THBS3: variants seen among roughly 807,000 people sequenced by gnomAD.
THBS3 encodes the protein thrombospondin-3.
A neutral mutation model predicts 118.3 loss-of-function variants in THBS3; 78 were observed. The observed-to-expected ratio is 0.66, with a 90% CI of 0.55 to 0.80. THBS3 has a LOEUF of 0.80. Ranked by LOEUF, THBS3 falls within the 30% of genes least tolerant of loss-of-function variation. THBS3 has a pLI of 0.00. For synonymous variants in THBS3, 427 were observed against 475.3 expected, an observed-to-expected ratio of 0.90 and a Z score of 1.32; for missense variants, 1,057 against 1,247.4, an observed-to-expected ratio of 0.85 and a Z score of 2.30.
intron 13 of THBS3, 131 bp from the exon 14 acceptor site, chr1:155,200,741 C>G (rs778831907): frequency 3.2e-5 from 50 of 1,558,872 alleles, no homozygotes; most frequent in Non-Finnish European, 4.4e-5. Flanking sequence ...TACAGTCCCA[C>G]CCACCCAGCC....
chr1:155,198,399 G>T lies in THBS3; in HGVS notation c.2074+10C>A, dbSNP rs200209248. 3.5e-3 allele frequency: 5,675 copies of T among 1,611,716 alleles called. 6 individuals are homozygous for T. Among genetic ancestry groups the T allele is most frequent in the Non-Finnish European group, 4.4e-3 (5,214 of 1,178,284 alleles). On this transcript the variant is annotated intron_variant, in intron 17 of 22. Transcript: ENST00000368378. ...CACCAGTCTAACGTGCTCTGGGTCC[G>T]CAGGCTTACCATCTGAGTCCTTCTG...
intron 21 of THBS3, 106 bp from the exon 22 acceptor site, chr1:155,196,232 C>G (rs1668644829): frequency 1.5e-6 from 2 of 1,346,918 alleles, no homozygotes; most frequent in Middle Eastern, 2.6e-4. Flanking sequence ...CTTGAGCTCA[C>G]CAGGCCTGAG....
At chr1:155,204,017 T>G (rs1055143214) in intron 4 of THBS3, among the ~76,000 whole-genome samples, 8 of 152,024 alleles carry the variant, frequency 5.3e-5, no homozygotes, top group African/African-American at 1.9e-4. Context: ...TTTTGTATTT[T>G]TTAGTAGAGA....
chr1:155,202,579 C>T lies in THBS3; in HGVS notation c.958-178G>A, dbSNP rs949432180. On this transcript the variant is annotated intron_variant, in intron 8 of 22. Coordinates refer to ENST00000368378, the MANE Select transcript of THBS3 (RefSeq NM_007112.5). The surrounding 1 kb of genome is among the most constrained non-coding windows in gnomAD (Gnocchi z 5.5). ...GGGGTTCCCTCTCTCCCTCCCCATG[C>T]CACTGGTCACCATCTCAAGCCTCCC... Among the ~76,000 whole-genome samples the T allele has an allele frequency of 6.6e-6, 1 of 152,184 alleles. No homozygotes were observed. The highest frequency in any genetic ancestry group is 2.4e-5 in the African/African-American group (1 of 41,442).
intron 11 of THBS3, 90 bp from the exon 12 acceptor site, chr1:155,201,294 CA>C: frequency 6.3e-7 from 1 of 1,588,414 alleles, no homozygotes; most frequent in Non-Finnish European, 8.6e-7. Context: ...TTCTCCCCAC[CA>C]AACAGTTCCT....
In THBS3 at chr1:155,205,126, G is replaced by C; in HGVS notation, c.477C>G (p.Pro159=). 6.2e-7 allele frequency: 1 copy of C among 1,614,194 alleles called. No individual in the cohort carries two copies. Among genetic ancestry groups the C allele is most frequent in the African/African-American group, 1.3e-5 (1 of 75,056 alleles). Residue 159 remains proline (P), a synonymous_variant, in exon 3 of 23, where the codon CCC becomes CCG. Transcript: ENST00000368378. ...GCCCATCGACCTCCGCTGGAGGAAT[G>C]GGGGCCAGTGCTGGAAGGCCTGCAT... The part of the protein sequence containing the change: ...DQHAGLPALA[P]IPPAEVDGLE...
upstream of THBS3, chr1:155,208,790 C>G (rs757169344): frequency 4.5e-5 from 66 of 1,462,918 alleles, no homozygotes; most frequent in South Asian, 7.8e-4. Context: ...CCAAACATAA[C>G]GCGCTGTGGA....
rs1669842010 is a variant in THBS3 at position 155,202,108 on chromosome 1, G to A, written c.1099-74C>T. On this transcript the variant is annotated intron_variant, in intron 9 of 22. Coordinates refer to ENST00000368378, the MANE Select transcript of THBS3 (RefSeq NM_007112.5). The surrounding 1 kb of genome is among the most constrained non-coding windows in gnomAD (Gnocchi z 5.5). The stretch of plus-strand genomic sequence containing the variant: ...AGATACAGCAGAGGACACTGGTATG[G>A]CCTTATCTGTGAACATCAACATTAA... The A allele has an allele frequency of 6.2e-7, 1 of 1,611,276 alleles. No individual in the cohort carries two copies.
Position 155,205,176 on chromosome 1 carries a change from C to A in THBS3, c.427G>T (p.Val143Leu), listed in dbSNP as rs757428868. Residue 143 changes from valine to leucine, a missense_variant, in exon 3 of 23, where the codon GTG becomes TTG. Coordinates refer to ENST00000368378, the MANE Select transcript of THBS3 (RefSeq NM_007112.5). ...SRPSPALHLY[V>L]DCKLGDQHAG... ...TGTTGGTCACCCAGTTTGCAGTCCA[C>A]GTAGAGATGTAGGGCAGGGCTGGGT... 6.2e-7 allele frequency: 1 copy of A among 1,614,174 alleles called. No individual in the cohort carries two copies. The highest frequency in any genetic ancestry group is 8.5e-7 in the Non-Finnish European group (1 of 1,180,034).
At chr1:155,203,624 G>C in intron 4 of THBS3, 85 bp from the exon 5 acceptor site, 3 of 1,505,832 alleles carry the variant, frequency 2.0e-6, no homozygotes, top group Non-Finnish European at 2.7e-6. Flanking sequence ...GGAAGGTGAG[G>C]ACAGGGACAG....
At chr1:155,200,855 A>G (rs768964578) in intron 13 of THBS3, 42 bp downstream of exon 13, 2 of 1,613,876 alleles carry the variant, frequency 1.2e-6, no homozygotes, top group Admixed American at 3.3e-5. Context: ...GGACAGGAGG[A>G]GGGGAGAGGA....
chr1:155,200,097 C>A lies in THBS3; in HGVS notation c.1725G>T (p.Leu575Phe). Residue 575 changes from leucine (L) to phenylalanine (F), a missense_variant, in exon 15 of 23, where the codon TTG becomes TTT. Leu to Phe is a conservative substitution (Grantham distance 22). Coordinates refer to ENST00000368378, the MANE Select transcript of THBS3 (RefSeq NM_007112.5). The stretch of plus-strand genomic sequence containing the variant: ...GGTTGGGGACTTTAGGGCAATTGTC[C>A]AATCCATTGGGGATGCCTAGAAGAC... ...DVDGDGIPNGLDNCPKVPNPL... is the reference protein window; with the variant it reads ...DVDGDGIPNGFDNCPKVPNPL... The A allele has an allele frequency of 6.3e-7, 1 of 1,577,352 alleles. No individual in the cohort carries two copies. The highest frequency in any genetic ancestry group is 8.6e-7 in the Non-Finnish European group (1 of 1,161,690).
chr1:155,208,697 C>G, upstream of THBS3: 1 of 1,212,926 alleles, frequency 8.2e-7, no homozygotes, highest in Non-Finnish European at 1.1e-6. Context: ...CCTCCCCCAC[C>G]CAAGCCCCAG....
Position 155,200,613 on chromosome 1 carries a change from G to C in THBS3, c.1549-3C>G. 2 of 1,613,876 alleles carry C rather than the reference G, an allele frequency of 1.2e-6. No individual in the cohort carries two copies. Among genetic ancestry groups the C allele is most frequent in the South Asian group, 2.2e-5 (2 of 91,052 alleles). On this transcript the variant is annotated splice_region_variant and splice_polypyrimidine_tract_variant and intron_variant, in intron 13 of 22. Coordinates refer to ENST00000368378, the MANE Select transcript of THBS3 (RefSeq NM_007112.5). ...TTGGGGAACAGCCGGCAGTTGTCCTGGGCAGAGGGGTGGGAGGGGAAGGGT... is the reference window on the plus strand; with the variant it reads ...TTGGGGAACAGCCGGCAGTTGTCCTCGGCAGAGGGGTGGGAGGGGAAGGGT...
chr1:155,203,329 G>T, intron 5 of THBS3, 24 bp from the exon 6 acceptor site: 1 of 1,612,750 alleles, frequency 6.2e-7, no homozygotes, highest in Non-Finnish European at 8.5e-7. Flanking sequence ...GGGTGTGAGG[G>T]GTTCAGTACT....
chr1:155,207,977 G>T (rs1038970007), upstream of THBS3: 12 of 760,744 alleles, frequency 1.6e-5, no homozygotes, highest in Non-Finnish European at 2.3e-5. Context: ...CAGAATTGGA[G>T]GGGGGGCCAG....
At position 155,197,216 on chromosome 1, in the gene THBS3, A is replaced by G; in HGVS notation, c.2500-3T>C. On this transcript the variant is annotated splice_polypyrimidine_tract_variant and splice_region_variant and intron_variant, in intron 20 of 22. Transcript: ENST00000368378. The surrounding 1 kb of genome is among the most constrained non-coding windows in gnomAD (Gnocchi z 5.0). ...GGGCCAGACACTGATGTCACTGCCT[A>G]GGAGACATTGGCAAAGACAGTGGGT... 2 of 1,612,356 alleles carry G rather than the reference A, an allele frequency of 1.2e-6. 1 individual carries two copies.
chr1:155,201,421 C>T lies in THBS3; in HGVS notation c.1325G>A (p.Cys442Tyr), dbSNP rs544601491. ...CACGCCTGAAGCCTAGCTCACCTGGCAGGACACTGCACCATTGCGTTCAAA... is the reference window on the plus strand; with the variant it reads ...CACGCCTGAAGCCTAGCTCACCTGGTAGGACACTGCACCATTGCGTTCAAA... ...CLFERNGAVS[C>Y]QCNVGWAGNG... Residue 442 changes from cysteine to tyrosine, a missense_variant, in exon 11 of 23, where the codon TGC becomes TAC. Cys to Tyr is a radical substitution (Grantham distance 194). Transcript: ENST00000368378. 30 of 1,601,770 alleles carry T rather than the reference C, an allele frequency of 1.9e-5. No homozygotes were observed. Among genetic ancestry groups the T allele is most frequent in the Non-Finnish European group, 2.6e-5 (30 of 1,173,366 alleles).
At chr1:155,205,913 C>T (rs895285084) in intron 2 of THBS3, among the ~76,000 whole-genome samples, 3 of 152,208 alleles carry the variant, frequency 2.0e-5, no homozygotes, top group Admixed American at 6.5e-5. Flanking sequence ...TCTGTATCAC[C>T]GCTGAGGCAC....
Sources: allele counts gnomAD v4.1 joint callset (sites outside exome capture counted in the v4.1 genomes callset), GRCh38; gene constraint gnomAD v4.1.1; non-coding constraint Gnocchi (gnomAD v3.1); transcripts MANE v1.5; gene names NCBI Gene and HGNC (gene_info 2026-07-23, HGNC 2026-07-21).